Variants in RHOBTB3 observed in about 807,000 individuals in gnomAD.
RHOBTB3 encodes the protein rho-related BTB domain-containing protein 3.
RHOBTB3 carries 47 observed loss-of-function variants against 67.2 expected under a neutral mutation model. The observed-to-expected ratio is 0.70, with a 90% CI of 0.55 to 0.89. The LOEUF (loss-of-function observed/expected upper bound fraction) is 0.89, where lower values mean the gene tolerates loss of function less well. Ranked by LOEUF, RHOBTB3 falls within the 40% of genes least tolerant of loss-of-function variation. The pLI, the probability that RHOBTB3 is intolerant of heterozygous loss-of-function variation, is 0.00. For missense variants in RHOBTB3, 631 were observed against 750.0 expected, an observed-to-expected ratio of 0.84 and a Z score of 1.85; for synonymous variants, 273 against 274.2, an observed-to-expected ratio of 1.00 and a Z score of 0.04.
chr5:95,775,892 C>T (rs1745861862), intron 8 of RHOBTB3, among the ~76,000 whole-genome samples: 1 of 151,948 alleles, frequency 6.6e-6, no homozygotes, highest in African/African-American at 2.4e-5. Flanking sequence ...TAATCAGTCT[C>T]AAATCTTAAT....
intron 10 of RHOBTB3, among the ~76,000 whole-genome samples, chr5:95,784,256 T>C (rs868682403): frequency 2.1e-4 from 32 of 152,370 alleles, no homozygotes; most frequent in African/African-American, 7.2e-4. Context: ...CTATGTCACA[T>C]AGGCATTGTA....
In RHOBTB3 at chr5:95,755,538, C is replaced by T. The variant is rs575094079; in HGVS notation, c.825C>T (p.Cys275=). The T allele has an allele frequency of 3.2e-5, 52 of 1,614,150 alleles. No homozygotes were observed. The highest frequency in any genetic ancestry group is 3.3e-4 in the Middle Eastern group (2 of 6,060). ...KVVEAHKIVL[C]AVSHVFMLLF... Reference sequence around the variant, plus strand: ...TAGAGGCCCACAAGATCGTTCTCTGCGCTGTAAGCCATGTTTTCATGCTGC... The same window carrying T: ...TAGAGGCCCACAAGATCGTTCTCTGTGCTGTAAGCCATGTTTTCATGCTGC... The change falls in exon 6 of 12, where the codon TGC becomes TGT. Residue 275 remains cysteine, a synonymous_variant. Coordinates refer to ENST00000379982, the MANE Select transcript of RHOBTB3 (RefSeq NM_014899.4).
intron 10 of RHOBTB3, among the ~76,000 whole-genome samples, chr5:95,785,471 G>T (rs1746197382): frequency 6.6e-6 from 1 of 151,438 alleles, no homozygotes; most frequent in African/African-American, 2.4e-5. Flanking sequence ...GCGGGTGCCT[G>T]TAGTCCCAGC....
At chr5:95,762,976 G>C (rs577669239) in intron 6 of RHOBTB3, among the ~76,000 whole-genome samples, 2 of 152,292 alleles carry the variant, frequency 1.3e-5, no homozygotes, top group Non-Finnish European at 2.9e-5. Context: ...CATGAGCTAC[G>C]TGGACGAGTA....
intron 2 of RHOBTB3, among the ~76,000 whole-genome samples, chr5:95,735,175 A>C (rs2112774214): frequency 6.6e-6 from 1 of 151,224 alleles, no homozygotes; most frequent in Non-Finnish European, 1.5e-5. Context: ...ATTTTTCTGC[A>C]CTGTGTCCCA....
chr5:95,770,982 G>A (rs1745693704), intron 8 of RHOBTB3, among the ~76,000 whole-genome samples: 1 of 151,822 alleles, frequency 6.6e-6, no homozygotes, highest in Non-Finnish European at 1.5e-5. Flanking sequence ...AAAGAGCCAC[G>A]TACCCATGTA....
upstream of RHOBTB3, among the ~76,000 whole-genome samples, chr5:95,726,623 G>A (rs375591192): frequency 3.4e-4 from 52 of 152,154 alleles, no homozygotes; most frequent in African/African-American, 1.2e-3. Context: ...ATTAGTCGTC[G>A]GTTTTTTACC....
At chr5:95,731,292 G>A, upstream of RHOBTB3, 1 of 1,030,070 alleles carries the variant, frequency 9.7e-7, no homozygotes. Context: ...CGATCTCCCC[G>A]ACCCCCCTTC....
chr5:95,793,178 G>A lies in RHOBTB3; in HGVS notation c.*4G>A. ...ATGTCGTTGCTTAGTAATGTAACCT[G>A]GAGCTTTTATACACTACATTTCTTT... On this transcript the variant is annotated 3_prime_UTR_variant, in exon 12 of 12. Coordinates refer to ENST00000379982, the MANE Select transcript of RHOBTB3 (RefSeq NM_014899.4). 1 of 1,565,560 alleles carries A rather than the reference G, an allele frequency of 6.4e-7. No homozygotes were observed. Among genetic ancestry groups the A allele is most frequent in the Non-Finnish European group, 8.8e-7 (1 of 1,140,238 alleles).
chr5:95,719,736 A>G (rs1333749181), intron 1 of RHOBTB3: 1 of 152,250 alleles, frequency 6.6e-6, no homozygotes, highest in Non-Finnish European at 1.5e-5. Flanking sequence ...TAATGCCATC[A>G]TGCAGATAGG....
upstream of RHOBTB3, among the ~76,000 whole-genome samples, chr5:95,727,119 A>G (rs1755078414): frequency 6.6e-6 from 1 of 152,190 alleles, no homozygotes; most frequent in African/African-American, 2.4e-5. Context: ...CATCTTTTTA[A>G]TGAAAATGAA....
chr5:95,753,566 A>G (rs978166646), intron 5 of RHOBTB3, among the ~76,000 whole-genome samples: 3 of 152,204 alleles, frequency 2.0e-5, no homozygotes, highest in Non-Finnish European at 4.4e-5. Flanking sequence ...AAGTGCAGAT[A>G]TATAGACCAC....
At chr5:95,756,257 G>C (rs1304796232) in intron 6 of RHOBTB3, among the ~76,000 whole-genome samples, 1 of 152,126 alleles carries the variant, frequency 6.6e-6, no homozygotes, top group Non-Finnish European at 1.5e-5. Context: ...GAATCATACA[G>C]TATTTGTCAT....
At chr5:95,750,704 T>C (rs1745064863) in intron 4 of RHOBTB3, among the ~76,000 whole-genome samples, 1 of 152,018 alleles carries the variant, frequency 6.6e-6, no homozygotes, top group South Asian at 2.1e-4. Flanking sequence ...GTGGACCACA[T>C]TGCTGGTATA....
At chr5:95,721,488 G>A (rs1447378918) in intron 1 of RHOBTB3, among the ~76,000 whole-genome samples, 1 of 152,136 alleles carries the variant, frequency 6.6e-6, no homozygotes, top group East Asian at 1.9e-4. Context: ...GACTGGGCAG[G>A]GGGTTTGGAT....
chr5:95,742,128 G>T (rs1755618766), intron 3 of RHOBTB3, among the ~76,000 whole-genome samples: 1 of 152,084 alleles, frequency 6.6e-6, no homozygotes, highest in Non-Finnish European at 1.5e-5. Context: ...TTCCTTCTAG[G>T]GGGCAATGAT....
intron 8 of RHOBTB3, among the ~76,000 whole-genome samples, chr5:95,773,885 T>TA (rs1357150498): frequency 6.6e-6 from 1 of 152,248 alleles, no homozygotes; most frequent in Non-Finnish European, 1.5e-5. Flanking sequence ...TTTGGAATTC[T>TA]TCCAAAATGT....
At chr5:95,750,717 C>T (rs1745065329) in intron 4 of RHOBTB3, among the ~76,000 whole-genome samples, 1 of 152,142 alleles carries the variant, frequency 6.6e-6, no homozygotes, top group African/African-American at 2.4e-5. Flanking sequence ...CTGGTATATG[C>T]ACCCCTAGGC....
chr5:95,730,925 G>A (rs371388827), upstream of RHOBTB3: 75 of 458,454 alleles, frequency 1.6e-4, no homozygotes, highest in South Asian at 9.3e-4. Flanking sequence ...AGGCCAAGAG[G>A]GGGGGAAATC....
Sources: allele counts gnomAD v4.1 joint callset (sites outside exome capture counted in the v4.1 genomes callset), GRCh38; gene constraint gnomAD v4.1.1; transcripts MANE v1.5; gene names NCBI Gene and HGNC (gene_info 2026-07-23, HGNC 2026-07-21).